CABCOCO1: variants seen among roughly 807,000 people sequenced by gnomAD.
CABCOCO1 encodes ciliary associated calcium binding coiled-coil 1, also known as ciliary-associated calcium-binding coiled-coil protein 1.
In CABCOCO1, 28 loss-of-function variants were observed where a neutral mutation model predicts 35.7. The ratio of observed to expected loss-of-function variants is 0.78; its 90% CI spans 0.58 to 1.07. The LOEUF (loss-of-function observed/expected upper bound fraction) is 1.07. Among genes scored for constraint, CABCOCO1 ranks in the 50% least tolerant of loss-of-function variants. The pLI is 0.00. For missense variants in CABCOCO1, 326 were observed against 309.2 expected (o/e 1.05, Z -0.41); for synonymous variants, 95 against 100.1 (o/e 0.95, Z 0.30).
Position 61,737,017 on chromosome 10 carries a change from T to C in CABCOCO1, c.553-23042T>C, listed in dbSNP as rs1841432645. 1.3e-5 allele frequency among the ~76,000 whole-genome samples: 2 copies of C among 152,140 alleles called. 1 individual carries two copies. The highest frequency in any genetic ancestry group is 1.3e-4 in the Admixed American group (2 of 15,266). ...TTGTATTCTGCAACTTTGCTGAAGT[T>C]GATTATCAGCTGAAGGAGCTTTTGG... On this transcript the variant is annotated intron_variant, in intron 5 of 7. Transcript: ENST00000648843.
chr10:61,715,087 G>T (rs550673400), intron 5 of CABCOCO1, among the ~76,000 whole-genome samples: 1 of 152,252 alleles, frequency 6.6e-6, no homozygotes, highest in South Asian at 2.1e-4. Context: ...CTATCTCGTT[G>T]ATCTGTCTAA....
chr10:61,703,040 CTGAACCACTAATGACCACAGCAGAAG>C lies in CABCOCO1; in HGVS notation c.552+12421_552+12446del, dbSNP rs564864224. ...GGAAGTTACTTTTTCTTCTATTTGCCTGAACCACTAATGACCACAGCAGAAGTAGCAAGTTTAACTGATGAATATGG... is the reference window on the plus strand; with the variant it reads ...GGAAGTTACTTTTTCTTCTATTTGCCTAGCAAGTTTAACTGATGAATATGG... On this transcript the variant is annotated intron_variant, in intron 5 of 7. Transcript: ENST00000648843. Among the ~76,000 whole-genome samples, 119 of 152,094 alleles carry C rather than the reference CTGAACCACTAATGACCACAGCAGAAG, an allele frequency of 7.8e-4. 1 individual carries two copies. Among genetic ancestry groups the C allele is most frequent in the South Asian group, 1.9e-3 (9 of 4,810 alleles).
At chr10:61,721,063 T>C (rs981254433) in intron 5 of CABCOCO1, among the ~76,000 whole-genome samples, 3 of 151,632 alleles carry the variant, frequency 2.0e-5, no homozygotes, top group Admixed American at 2.0e-4. Context: ...TAGCTGGGAC[T>C]ACACGCGCCC....
intron 5 of CABCOCO1, among the ~76,000 whole-genome samples, chr10:61,742,468 G>GA (rs952612292): frequency 4.0e-5 from 6 of 150,322 alleles, no homozygotes; most frequent in Admixed American, 2.0e-4. Flanking sequence ...AAACTACAAA[G>GA]AAAAAAAAAG....
At chr10:61,722,927 G>A (rs945727002) in intron 5 of CABCOCO1, among the ~76,000 whole-genome samples, 1 of 152,130 alleles carries the variant, frequency 6.6e-6, no homozygotes, top group Non-Finnish European at 1.5e-5. Flanking sequence ...AATTTTTAAA[G>A]CTTCAAATAA....
At chr10:61,711,308 G>A (rs975669655) in intron 5 of CABCOCO1, among the ~76,000 whole-genome samples, 2 of 151,868 alleles carry the variant, frequency 1.3e-5, no homozygotes, top group Non-Finnish European at 2.9e-5. Flanking sequence ...TGTATACCAC[G>A]TTAACAGCAA....
intron 4 of CABCOCO1, among the ~76,000 whole-genome samples, chr10:61,689,377 C>T (rs1840062484): frequency 6.6e-6 from 1 of 152,112 alleles, no homozygotes; most frequent in African/African-American, 2.4e-5. Flanking sequence ...AGCTAAGTTA[C>T]TTTTCTGAAT....
At chr10:61,733,445 GACTC>G (rs1452831741) in intron 5 of CABCOCO1, among the ~76,000 whole-genome samples, 1 of 151,962 alleles carries the variant, frequency 6.6e-6, no homozygotes, top group African/African-American at 2.4e-5. Context: ...CCAGGAGAAG[GACTC>G]ACTATTTAAG....
At chr10:61,759,945 T>G in intron 5 of CABCOCO1, 114 bp from the exon 6 acceptor site, 1 of 1,317,372 alleles carries the variant, frequency 7.6e-7, no homozygotes, top group South Asian at 1.6e-5. Flanking sequence ...TCAAAGGAGG[T>G]GGCACTTGAA....
intron 1 of CABCOCO1, among the ~76,000 whole-genome samples, chr10:61,665,683 C>G (rs1839147332): frequency 6.6e-6 from 1 of 151,658 alleles, no homozygotes; most frequent in Non-Finnish European, 1.5e-5. Context: ...GTCAGGAGAT[C>G]GAGACCATCC....
intron 2 of CABCOCO1, among the ~76,000 whole-genome samples, chr10:61,680,445 A>AT (rs2131972051): frequency 3.7e-5 from 2 of 54,362 alleles, no homozygotes; most frequent in African/African-American, 5.7e-5. Flanking sequence ...CATATATAAT[A>AT]TATTTTATAT....
At chr10:61,711,484 G>T (rs1840732716) in intron 5 of CABCOCO1, among the ~76,000 whole-genome samples, 1 of 151,834 alleles carries the variant, frequency 6.6e-6, no homozygotes, top group Non-Finnish European at 1.5e-5. Context: ...GAAAATATAT[G>T]AAGCAAAGGC....
At chr10:61,670,693 A>G (rs1484245050) in intron 1 of CABCOCO1, among the ~76,000 whole-genome samples, 1 of 152,154 alleles carries the variant, frequency 6.6e-6, no homozygotes, top group Non-Finnish European at 1.5e-5. Context: ...TGTTGCACTG[A>G]AAAACATTTG....
At position 61,765,034 on chromosome 10, in the gene CABCOCO1, A is replaced by T. The variant is rs986868769; in HGVS notation, c.817-905A>T. Among the ~76,000 whole-genome samples, 6 of 152,304 alleles carry T rather than the reference A, an allele frequency of 3.9e-5. No homozygotes were observed. In the East Asian group the frequency reaches 1.2e-3, roughly 29 times the overall value. On this transcript the variant is annotated intron_variant, in intron 7 of 7. Transcript: ENST00000648843. ...AAATAATAAAAGGTTTGCAAAGTAC[A>T]GTTACCCTGAAGCCCTCAAATAATG...
chr10:61,711,216 T>C (rs1211895374), intron 5 of CABCOCO1, among the ~76,000 whole-genome samples: 1 of 151,992 alleles, frequency 6.6e-6, no homozygotes. Context: ...GATGATCAGA[T>C]TGCCAACTAT....
intron 3 of CABCOCO1, among the ~76,000 whole-genome samples, chr10:61,683,544 C>A (rs1263938617): frequency 1.3e-5 from 2 of 152,102 alleles, no homozygotes; most frequent in East Asian, 1.9e-4. Context: ...CTGGGCAACA[C>A]AGCAAGATGC....
chr10:61,695,815 G>A (rs1215491270), intron 5 of CABCOCO1, among the ~76,000 whole-genome samples: 2 of 151,922 alleles, frequency 1.3e-5, no homozygotes, highest in Admixed American at 6.6e-5. Flanking sequence ...GGCAAAGAAG[G>A]CAACAGAAAC....
chr10:61,750,438 T>A (rs1294747431), intron 5 of CABCOCO1, among the ~76,000 whole-genome samples: 1 of 152,080 alleles, frequency 6.6e-6, no homozygotes, highest in African/African-American at 2.4e-5. Context: ...TAGCCTAGCG[T>A]GGTGGCGGGT....
intron 5 of CABCOCO1, among the ~76,000 whole-genome samples, chr10:61,726,795 C>T (rs1176287784): frequency 1.3e-5 from 2 of 151,096 alleles, no homozygotes; most frequent in Admixed American, 6.6e-5. Flanking sequence ...CAGTGGCTCA[C>T]TCCTGTAATC....
Sources: allele counts gnomAD v4.1 joint callset (sites outside exome capture counted in the v4.1 genomes callset), GRCh38; gene constraint gnomAD v4.1.1; transcripts MANE v1.5; gene names NCBI Gene and HGNC (gene_info 2026-07-23, HGNC 2026-07-21).